ANK2: variants seen among roughly 807,000 people sequenced by gnomAD.
ANK2 encodes the protein ankyrin-2.
ANK2 carries 83 observed loss-of-function variants against 360.5 expected under a neutral mutation model. The observed-to-expected ratio is 0.23, with a 90% CI of 0.19 to 0.28. The LOEUF (loss-of-function observed/expected upper bound fraction) is 0.28. ANK2 is among the 10% of genes least tolerant of loss of function. The pLI, the probability that ANK2 is intolerant of heterozygous loss-of-function variation, is 1.00. For missense variants in ANK2, 4,201 were observed against 4,795.7 expected (o/e 0.88, Z 3.66); for synonymous variants, 1,740 against 1,759.5 (o/e 0.99, Z 0.28).
chr4:112,711,228 G>T, the ANK2 span, among the ~76,000 whole-genome samples: 6 of 150,024 alleles, frequency 4.0e-5, no homozygotes, highest in African/African-American at 1.5e-4. Flanking sequence ...TCTCTGTACT[G>T]CCCAGGCTAT....
the ANK2 span, among the ~76,000 whole-genome samples, chr4:112,752,925 C>T: frequency 3.5e-3 from 535 of 152,274 alleles, 3 homozygotes; most frequent in Admixed American, 7.0e-3. Flanking sequence ...CTCAGGCTCC[C>T]AAAGTGCTGG....
intron 20 of ANK2, among the ~76,000 whole-genome samples, chr4:113,289,367 C>T (rs960041894): frequency 6.6e-6 from 1 of 151,690 alleles, no homozygotes; most frequent in South Asian, 2.1e-4. Context: ...GACACCATGC[C>T]CGGCTAATTT....
intron 1 of ANK2, among the ~76,000 whole-genome samples, chr4:113,081,461 C>T (rs547046048): frequency 6.6e-6 from 1 of 152,184 alleles, no homozygotes; most frequent in East Asian, 1.9e-4. Context: ...TCTTGATTCT[C>T]GTAGTATGAC....
At chr4:113,327,210 TA>T (rs2090428965) in intron 26 of ANK2, among the ~76,000 whole-genome samples, 1 of 152,222 alleles carries the variant, frequency 6.6e-6, no homozygotes, top group Non-Finnish European at 1.5e-5. Flanking sequence ...TTTCTTCATA[TA>T]ATTTTAACTT....
intron 1 of ANK2, among the ~76,000 whole-genome samples, chr4:112,824,373 T>A: frequency 6.6e-6 from 1 of 152,092 alleles, no homozygotes; most frequent in Non-Finnish European, 1.5e-5. Context: ...ATTTTTTAAG[T>A]TTTATTTTTC....
At chr4:113,005,513 A>G (rs1223928403) in intron 2 of ANK2, among the ~76,000 whole-genome samples, 1 of 152,170 alleles carries the variant, frequency 6.6e-6, no homozygotes, top group Non-Finnish European at 1.5e-5. Context: ...GTCCTCACTC[A>G]TATGTACGAG....
intron 2 of ANK2, among the ~76,000 whole-genome samples, chr4:112,952,546 T>G (rs1228762052): frequency 6.6e-6 from 1 of 152,192 alleles, no homozygotes; most frequent in African/African-American, 2.4e-5. Flanking sequence ...AGCAGCATAT[T>G]ATGACATGTT....
intron 1 of ANK2, among the ~76,000 whole-genome samples, chr4:113,062,139 A>G (rs774738184): frequency 6.6e-6 from 1 of 152,132 alleles, no homozygotes; most frequent in Non-Finnish European, 1.5e-5. Flanking sequence ...CTAAAGCAGA[A>G]TTATTAATTT....
At chr4:112,875,897 C>G (rs959170307) in intron 1 of ANK2, among the ~76,000 whole-genome samples, 1 of 151,592 alleles carries the variant, frequency 6.6e-6, no homozygotes, top group African/African-American at 2.4e-5. Context: ...GCGGATCACC[C>G]TCCCTGGCTA....
At chr4:113,269,458 C>T (rs550653474) in intron 14 of ANK2, among the ~76,000 whole-genome samples, 6 of 152,250 alleles carry the variant, frequency 3.9e-5, no homozygotes, top group Non-Finnish European at 8.8e-5. Context: ...ATGGGAAATG[C>T]GTAGTATCTG....
intron 2 of ANK2, among the ~76,000 whole-genome samples, chr4:113,174,918 AT>A (rs1205395497): frequency 1.3e-5 from 2 of 152,236 alleles, no homozygotes; most frequent in Middle Eastern, 3.2e-3. Flanking sequence ...AAATAAGAGG[AT>A]AAAATGTTCT....
chr4:113,050,128 C>A (rs2066275039), intron 1 of ANK2, among the ~76,000 whole-genome samples: 1 of 152,026 alleles, frequency 6.6e-6, no homozygotes. Context: ...TAGAGAGAGT[C>A]GTTTTATTTT....
the ANK2 span, among the ~76,000 whole-genome samples, chr4:112,742,735 T>C: frequency 6.6e-6 from 1 of 152,170 alleles, no homozygotes; most frequent in South Asian, 2.1e-4. Flanking sequence ...TCTTCTTTTT[T>C]TTTTTTTGAG....
At chr4:113,368,887 G>C (rs1455365511) in intron 42 of ANK2, among the ~76,000 whole-genome samples, 1 of 152,196 alleles carries the variant, frequency 6.6e-6, no homozygotes, top group Non-Finnish European at 1.5e-5. Context: ...TCTATGGAGT[G>C]ATAGATTGCA....
chr4:113,021,172 A>G (rs887908450), intron 2 of ANK2, among the ~76,000 whole-genome samples: 2 of 53,810 alleles, frequency 3.7e-5, no homozygotes, highest in Non-Finnish European at 7.5e-5. Context: ...AAGCACAGAG[A>G]GGGAAGGGCT....
chr4:113,095,046 G>A (rs1038594476), intron 1 of ANK2, among the ~76,000 whole-genome samples: 1 of 152,228 alleles, frequency 6.6e-6, no homozygotes, highest in African/African-American at 2.4e-5. Context: ...CAGCTAAGAT[G>A]CTGTGGCACA....
chr4:113,290,018 T>A (rs29352), intron 20 of ANK2, among the ~76,000 whole-genome samples: 9,201 of 152,248 alleles, frequency 0.06, 922 homozygotes, highest in African/African-American at 0.21. Context: ...GCTTATCATA[T>A]TTTTAAATGT....
At chr4:113,381,414 G>T (rs1292305523) in intron 45 of ANK2, 43 bp from the exon 46 acceptor site, 9 of 1,611,098 alleles carry the variant, frequency 5.6e-6, no homozygotes, top group Non-Finnish European at 7.6e-6. Context: ...CTGCCCTCTG[G>T]CAGTGAAAAG....
the ANK2 span, among the ~76,000 whole-genome samples, chr4:112,777,679 A>T: frequency 1.4e-5 from 2 of 144,812 alleles, no homozygotes; most frequent in African/African-American, 5.2e-5. Flanking sequence ...GTGCAGTGGC[A>T]CGATCTCGGC....
Sources: allele counts gnomAD v4.1 joint callset (sites outside exome capture counted in the v4.1 genomes callset), GRCh38; gene constraint gnomAD v4.1.1; transcripts MANE v1.5; gene names NCBI Gene and HGNC (gene_info 2026-07-23, HGNC 2026-07-21).